Variants in CCSER2 observed in about 807,000 individuals in gnomAD.
The protein encoded by CCSER2 is coiled-coil serine rich protein 2, also known as serine-rich coiled-coil domain-containing protein 2.
Under a neutral mutation model 92.3 loss-of-function variants are expected in CCSER2, and 46 were observed. The ratio of observed to expected loss-of-function variants is 0.50; its 90% CI spans 0.39 to 0.64. CCSER2 has a LOEUF of 0.64. Among genes scored for constraint, CCSER2 ranks in the 30% least tolerant of loss-of-function variants. CCSER2 has a pLI of 0.00. For synonymous variants in CCSER2, 433 were observed against 431.4 expected, an observed-to-expected ratio of 1.00 and a Z score of -0.04; for missense variants, 1,244 against 1,238.9, an observed-to-expected ratio of 1.00 and a Z score of -0.06.
At chr10:84,354,250 C>CTT (rs536114225) in intron 1 of CCSER2, among the ~76,000 whole-genome samples, 1,773 of 145,880 alleles carry the variant, frequency 0.012, 29 homozygotes, top group African/African-American at 0.041. Flanking sequence ...TCTCAAGTTA[C>CTT]TTTTTTTTTT....
At chr10:84,348,193 G>A (rs1450401856) in intron 1 of CCSER2, among the ~76,000 whole-genome samples, 1 of 152,256 alleles carries the variant, frequency 6.6e-6, no homozygotes, top group African/African-American at 2.4e-5. Context: ...GACTCCGTCT[G>A]CAATCCCAGC....
chr10:84,376,950 CAT>C (rs1846370796), intron 3 of CCSER2, among the ~76,000 whole-genome samples: 1 of 152,082 alleles, frequency 6.6e-6, no homozygotes, highest in Non-Finnish European at 1.5e-5. Context: ...AGCACCTTCA[CAT>C]ATGTTTATTG....
intron 3 of CCSER2, among the ~76,000 whole-genome samples, chr10:84,412,519 T>C (rs1842703825): frequency 6.6e-6 from 1 of 151,970 alleles, no homozygotes. Flanking sequence ...CCTGGTTCAG[T>C]CTTGGGAGGG....
In CCSER2 at chr10:84,501,834, A is replaced by AAAAT. The variant is rs1167460274; in HGVS notation, c.2326-11614_2326-11613insAATA. ...TTAGTCATCTAGGGAAAAAAAAAAA[A>AAAAT]ATATATATATATATATATATATATA... On this transcript the variant is annotated intron_variant, in intron 9 of 9. Coordinates refer to ENST00000372088, the MANE Select transcript of CCSER2 (RefSeq NM_001284240.2). 3.7e-3 allele frequency among the ~76,000 whole-genome samples: 150 copies of AAAAT among 40,164 alleles called. 4 individuals are homozygous for AAAAT. Among genetic ancestry groups the AAAAT allele is most frequent in the East Asian group, 0.011 (14 of 1,250 alleles). 26.3% of individuals were successfully genotyped at this position (40,164 alleles called of 152,430 possible). A position where few individuals can be genotyped will look rare whatever the true frequency, so the allele number is the denominator to read the frequency against.
At chr10:84,423,541 G>A (rs535069324) in intron 4 of CCSER2, among the ~76,000 whole-genome samples, 6 of 152,160 alleles carry the variant, frequency 3.9e-5, no homozygotes, top group South Asian at 2.1e-4. Context: ...TGGCCTATTC[G>A]CCCGATTTGC....
At chr10:84,336,741 G>A (rs1271169296) in intron 1 of CCSER2, among the ~76,000 whole-genome samples, 1 of 152,152 alleles carries the variant, frequency 6.6e-6, no homozygotes, top group Non-Finnish European at 1.5e-5. Context: ...AAAAGGTGGG[G>A]AGCCACCAGA....
At chr10:84,333,878 G>GTAT (rs2132970902) in intron 1 of CCSER2, among the ~76,000 whole-genome samples, 1 of 152,332 alleles carries the variant, frequency 6.6e-6, no homozygotes, top group South Asian at 2.1e-4. Context: ...TGACTGTGAT[G>GTAT]TATTGTACCT....
chr10:84,417,506 A>G (rs1489224844), intron 3 of CCSER2, among the ~76,000 whole-genome samples: 1 of 152,242 alleles, frequency 6.6e-6, no homozygotes, highest in Non-Finnish European at 1.5e-5. Flanking sequence ...TGTTAAAAAC[A>G]TGGACTTAAA....
Position 84,514,465 on chromosome 10 carries a change from T to C in CCSER2, c.*198T>C. 1 of 554,742 alleles carries C rather than the reference T, an allele frequency of 1.8e-6. No homozygotes were observed. Among genetic ancestry groups the C allele is most frequent in the Non-Finnish European group, 3.1e-6 (1 of 318,056 alleles). The allele number at this position is 554,742 out of a possible 1,614,324, so 34.4% of individuals were successfully genotyped here. ...GAAGTACATGCCATTTGAGCATAAT[T>C]ATCTCAGGTAAACACGAAAGTTTGC... On this transcript the variant is annotated 3_prime_UTR_variant, in exon 10 of 10. Transcript: ENST00000372088.
chr10:84,388,793 C>G (rs527892183), intron 3 of CCSER2, among the ~76,000 whole-genome samples: 1 of 152,212 alleles, frequency 6.6e-6, no homozygotes, highest in East Asian at 1.9e-4. Flanking sequence ...GTGCGCAGTT[C>G]ACAATAGGGT....
intron 3 of CCSER2, among the ~76,000 whole-genome samples, chr10:84,411,493 G>T (rs1475555518): frequency 6.6e-6 from 1 of 152,124 alleles, no homozygotes; most frequent in Non-Finnish European, 1.5e-5. Flanking sequence ...GCAGTGGTTT[G>T]TAGTTATCCT....
At chr10:84,465,244 T>TGC (rs1554856544) in intron 7 of CCSER2, among the ~76,000 whole-genome samples, 1 of 2,334 alleles carries the variant, frequency 4.3e-4, no homozygotes, top group African/African-American at 9.6e-3. Context: ...TGAATTTGTG[T>TGC]GTGTGTGTGT....
chr10:84,457,274 ATATATT>A (rs1196281910), intron 6 of CCSER2, among the ~76,000 whole-genome samples: 293 of 2,072 alleles, frequency 0.14, 4 homozygotes, highest in African/African-American at 0.25. Flanking sequence ...ATTATATATA[ATATATT>A]ATATATTATA....
chr10:84,438,008 G>A (rs1032885365), intron 5 of CCSER2, among the ~76,000 whole-genome samples: 3 of 151,940 alleles, frequency 2.0e-5, no homozygotes, highest in African/African-American at 4.8e-5. Context: ...TGGAAAATAT[G>A]CTTTATTAGT....
At chr10:84,374,094 T>A in intron 3 of CCSER2, 1 of 648,270 alleles carries the variant, frequency 1.5e-6, no homozygotes. Flanking sequence ...CCAGTGGTTC[T>A]CAAAGACTGG....
chr10:84,430,560 A>C (rs1843709169), intron 5 of CCSER2, among the ~76,000 whole-genome samples: 1 of 152,188 alleles, frequency 6.6e-6, no homozygotes, highest in South Asian at 2.1e-4. Flanking sequence ...AGGGAGATCA[A>C]ATCATAGCAG....
intron 3 of CCSER2, among the ~76,000 whole-genome samples, chr10:84,409,458 A>T (rs1842538518): frequency 6.6e-6 from 1 of 152,162 alleles, no homozygotes; most frequent in Non-Finnish European, 1.5e-5. Flanking sequence ...CATATTTCTA[A>T]AAGTTAATCT....
At position 84,515,172 on chromosome 10, in the gene CCSER2, G is replaced by T. The variant is rs1849555562; in HGVS notation, c.*905G>T. ...CCATTTTAAGGTTCCACAGCATTAT[G>T]TCTTTAATTGTAATATTTATATTTA... On this transcript the variant is annotated 3_prime_UTR_variant, in exon 10 of 10. Coordinates refer to ENST00000372088, the MANE Select transcript of CCSER2 (RefSeq NM_001284240.2). 6.6e-6 allele frequency: 1 copy of T among 152,478 alleles called. No individual in the cohort carries two copies. The highest frequency in any genetic ancestry group is 1.5e-5 in the Non-Finnish European group (1 of 68,004). 9.4% of individuals were successfully genotyped at this position (152,478 alleles called of 1,614,324 possible).
In CCSER2 at chr10:84,377,392, C is replaced by T. The variant is rs893258428; in HGVS notation, c.1614+3577C>T. Among the ~76,000 whole-genome samples the T allele has an allele frequency of 9.9e-5, 15 of 152,244 alleles. No homozygotes were observed. The South Asian group carries it at 2.5e-3, about 25-fold the overall frequency. ...TCTGTATGGTGTGAGATAGATGTCA[C>T]GATTAATTTATTTTAGTCATCTTTC... On this transcript the variant is annotated intron_variant, in intron 3 of 9. Transcript: ENST00000372088.
Sources: gnomAD v4.1 joint callset for allele counts (sites outside exome capture counted in the v4.1 genomes callset) on GRCh38, gnomAD v4.1.1 for gene constraint, MANE v1.5 for transcripts, NCBI Gene and HGNC (gene_info 2026-07-23, HGNC 2026-07-21) for gene names.